The following IGF2BP3 variants were observed in gnomAD, a reference collection of about 807,000 sequenced individuals.
The protein encoded by IGF2BP3 is insulin-like growth factor 2 mRNA-binding protein 3.
In IGF2BP3, 9 loss-of-function variants were observed where a neutral mutation model predicts 73.8. The observed-to-expected ratio is 0.12, with a 90% CI of 0.07 to 0.21. IGF2BP3 has a LOEUF of 0.21. IGF2BP3 is among the 10% of genes least tolerant of loss of function. The probability of loss-of-function intolerance (pLI) is 1.00; values close to 1 mark genes in which losing one functional copy is unlikely to be tolerated. For missense variants in IGF2BP3, 542 were observed against 714.0 expected (o/e 0.76, Z 2.75); for synonymous variants, 258 against 256.7 (o/e 1.01, Z -0.05).
intron 3 of IGF2BP3, among the ~76,000 whole-genome samples, chr7:23,367,697 TA>T (rs200722165): frequency 8.1e-5 from 12 of 148,028 alleles, no homozygotes; most frequent in South Asian, 4.3e-4. Flanking sequence ...TCAGCCTTTT[TA>T]AAAAAAAAAA....
chr7:23,400,576 A>G (rs777393469), intron 3 of IGF2BP3, among the ~76,000 whole-genome samples: 25 of 152,340 alleles, frequency 1.6e-4, no homozygotes, highest in Non-Finnish European at 3.5e-4. Context: ...ACATCCTTCA[A>G]TCTGGCTGTA....
chr7:23,389,925 G>A (rs770699428), intron 3 of IGF2BP3, among the ~76,000 whole-genome samples: 37 of 151,900 alleles, frequency 2.4e-4, no homozygotes, highest in East Asian at 3.9e-4. Context: ...GCAGTGAGCC[G>A]TGACTGAGCC....
At chr7:23,325,586 C>G (rs1015519009) in intron 10 of IGF2BP3, among the ~76,000 whole-genome samples, 3 of 152,038 alleles carry the variant, frequency 2.0e-5, no homozygotes, top group African/African-American at 4.8e-5. Context: ...AAAGTTCATA[C>G]AGAACCAAAA....
intron 2 of IGF2BP3, among the ~76,000 whole-genome samples, chr7:23,456,434 A>G (rs922425872): frequency 5.3e-5 from 8 of 152,246 alleles, no homozygotes; most frequent in Non-Finnish European, 2.9e-5. Flanking sequence ...TTCCTCCGCA[A>G]GAAACTACTG....
intron 2 of IGF2BP3, among the ~76,000 whole-genome samples, chr7:23,456,775 C>G (rs1267272226): frequency 6.6e-6 from 1 of 152,178 alleles, no homozygotes; most frequent in African/African-American, 2.4e-5. Flanking sequence ...TGAGGCCAGG[C>G]GCAGTGGCTC....
At chr7:23,458,760 C>A (rs183004759) in intron 2 of IGF2BP3, among the ~76,000 whole-genome samples, 1 of 152,358 alleles carries the variant, frequency 6.6e-6, no homozygotes, top group African/African-American at 2.4e-5. Flanking sequence ...GGGGCACAGA[C>A]TACCTGTATA....
intron 2 of IGF2BP3, among the ~76,000 whole-genome samples, chr7:23,453,430 G>A (rs764837720): frequency 6.6e-6 from 1 of 152,220 alleles, no homozygotes; most frequent in Non-Finnish European, 1.5e-5. Flanking sequence ...CTGTTAAAAT[G>A]TGACGTGTAA....
At chr7:23,331,902 G>C (rs1784455116) in intron 10 of IGF2BP3, among the ~76,000 whole-genome samples, 1 of 151,370 alleles carries the variant, frequency 6.6e-6, no homozygotes, top group African/African-American at 2.4e-5. Context: ...AATTGACTCA[G>C]TTGGCTGGGC....
chr7:23,420,231 C>A (rs905997181), intron 2 of IGF2BP3, among the ~76,000 whole-genome samples: 1 of 152,216 alleles, frequency 6.6e-6, no homozygotes, highest in Non-Finnish European at 1.5e-5. Context: ...GTAATCCCAG[C>A]ACTTTAGGAG....
chr7:23,390,990 G>GA (rs1562721181), intron 3 of IGF2BP3, among the ~76,000 whole-genome samples: 1 of 151,534 alleles, frequency 6.6e-6, no homozygotes, highest in African/African-American at 2.4e-5. Context: ...GTAGAGACAG[G>GA]GTTTAGCCAT....
intron 2 of IGF2BP3, among the ~76,000 whole-genome samples, chr7:23,460,072 T>G (rs1303213340): frequency 7.1e-6 from 1 of 140,274 alleles, no homozygotes; most frequent in African/African-American, 2.7e-5. Context: ...CTACTAAAAA[T>G]TAAAAAAAAA....
intron 5 of IGF2BP3, among the ~76,000 whole-genome samples, chr7:23,353,877 G>C (rs1400122236): frequency 2.6e-5 from 4 of 152,146 alleles, no homozygotes; most frequent in Non-Finnish European, 4.4e-5. Flanking sequence ...AAATATTTTG[G>C]TTATTTCTAA....
chr7:23,370,902 C>T (rs1189136528), intron 3 of IGF2BP3, among the ~76,000 whole-genome samples: 1 of 151,900 alleles, frequency 6.6e-6, no homozygotes, highest in Non-Finnish European at 1.5e-5. Context: ...TGGTCTCGAA[C>T]TCCTGACCTC....
chr7:23,442,286 C>T (rs1787954972), intron 2 of IGF2BP3, among the ~76,000 whole-genome samples: 1 of 152,170 alleles, frequency 6.6e-6, no homozygotes, highest in Admixed American at 6.6e-5. Flanking sequence ...AATCAAACTG[C>T]AAACATCAAC....
intron 12 of IGF2BP3, 131 bp downstream of exon 12, chr7:23,317,508 C>G: frequency 1.4e-6 from 1 of 692,104 alleles, no homozygotes; most frequent in South Asian, 1.8e-5. Flanking sequence ...GAGTGTGATT[C>G]TACTCAGCTC....
chr7:23,317,901 G>A (rs2128492311), intron 11 of IGF2BP3, 188 bp from the exon 12 acceptor site: 6 of 599,616 alleles, frequency 1.0e-5, no homozygotes, highest in Non-Finnish European at 1.2e-5. Flanking sequence ...TATACTATAT[G>A]CTTATTCTGT....
At chr7:23,418,583 T>A (rs1057455446) in intron 3 of IGF2BP3, among the ~76,000 whole-genome samples, 193 bp downstream of exon 3, 4 of 152,128 alleles carry the variant, frequency 2.6e-5, no homozygotes, top group Non-Finnish European at 5.9e-5. Flanking sequence ...TGGTTTCTTA[T>A]CCCAAAGAGC....
At chr7:23,417,876 A>G (rs1040836062) in intron 3 of IGF2BP3, among the ~76,000 whole-genome samples, 4 of 152,216 alleles carry the variant, frequency 2.6e-5, no homozygotes, top group Non-Finnish European at 5.9e-5. Flanking sequence ...AGCATATACC[A>G]AAAACCAACC....
chr7:23,367,610 T>C (rs1049526341), intron 3 of IGF2BP3, among the ~76,000 whole-genome samples: 4 of 152,076 alleles, frequency 2.6e-5, no homozygotes, highest in Admixed American at 2.6e-4. Context: ...GGGGTATAAA[T>C]GCAAAGTAAA....
Sources: gnomAD v4.1 joint callset for allele counts (sites outside exome capture counted in the v4.1 genomes callset) on GRCh38, gnomAD v4.1.1 for gene constraint, MANE v1.5 for transcripts, NCBI Gene and HGNC (gene_info 2026-07-23, HGNC 2026-07-21) for gene names.